SYCP1: variants seen among roughly 807,000 people sequenced by gnomAD.
SYCP1 encodes the protein synaptonemal complex protein 1.
Under a neutral mutation model 153.1 loss-of-function variants are expected in SYCP1, and 64 were observed. The observed-to-expected ratio is 0.42, with a 90% CI of 0.34 to 0.51. The LOEUF (loss-of-function observed/expected upper bound fraction) is 0.51. Among genes scored for constraint, SYCP1 ranks in the 20% least tolerant of loss-of-function variants. The pLI is 0.06. For synonymous variants in SYCP1, 384 were observed against 341.8 expected (o/e 1.12, Z -1.36); for missense variants, 997 against 1,049.0 (o/e 0.95, Z 0.68).
chr1:114,990,771 C>T (rs1673863228), intron 30 of SYCP1, among the ~76,000 whole-genome samples: 1 of 152,036 alleles, frequency 6.6e-6, no homozygotes, highest in South Asian at 2.1e-4. Flanking sequence ...TAGAAAACCT[C>T]TATAGACCTG....
chr1:114,886,893 TA>T (rs985139227), intron 14 of SYCP1, among the ~76,000 whole-genome samples: 1 of 152,054 alleles, frequency 6.6e-6, no homozygotes, highest in African/African-American at 2.4e-5. Flanking sequence ...GCTTGAGTGT[TA>T]AAGACTCTAT....
chr1:114,857,789 G>A (rs972154905), intron 5 of SYCP1, among the ~76,000 whole-genome samples: 3 of 151,920 alleles, frequency 2.0e-5, no homozygotes, highest in East Asian at 1.9e-4. Flanking sequence ...ATTAATAGAC[G>A]AAATTGACTG....
At chr1:114,936,643 T>C (rs1013362302) in intron 23 of SYCP1, among the ~76,000 whole-genome samples, 1 of 152,190 alleles carries the variant, frequency 6.6e-6, no homozygotes, top group African/African-American at 2.4e-5. Context: ...TGATTGTATA[T>C]TTAGAAAACC....
intron 27 of SYCP1, among the ~76,000 whole-genome samples, chr1:114,948,380 G>A (rs868218657): frequency 6.6e-6 from 1 of 152,134 alleles, no homozygotes; most frequent in Non-Finnish European, 1.5e-5. Flanking sequence ...CGTAGTAAGA[G>A]AGCAGAATGA....
chr1:114,914,342 T>C (rs2101685723), intron 20 of SYCP1, among the ~76,000 whole-genome samples: 1 of 151,942 alleles, frequency 6.6e-6, no homozygotes, highest in East Asian at 1.9e-4. Context: ...AATATAGAAA[T>C]CTTAAAAATT....
chr1:114,936,999 C>G (rs1290950411), intron 23 of SYCP1, among the ~76,000 whole-genome samples: 1 of 152,102 alleles, frequency 6.6e-6, no homozygotes, highest in East Asian at 1.9e-4. Flanking sequence ...AATGCCATCC[C>G]CATCAAGCTA....
At chr1:114,909,797 C>T (rs1557791318) in intron 16 of SYCP1, among the ~76,000 whole-genome samples, 1 of 152,092 alleles carries the variant, frequency 6.6e-6, no homozygotes, top group Non-Finnish European at 1.5e-5. Flanking sequence ...AATCTGTCTC[C>T]ACAGTCCTTG....
intron 6 of SYCP1, 23 bp from the exon 7 acceptor site, chr1:114,859,720 A>G: frequency 5.9e-6 from 6 of 1,011,284 alleles, no homozygotes; most frequent in Non-Finnish European, 7.8e-6. Flanking sequence ...AAATGGGATG[A>G]ACTTTTCTGT....
chr1:114,948,107 A>C (rs1217945676), intron 27 of SYCP1, among the ~76,000 whole-genome samples: 1 of 151,966 alleles, frequency 6.6e-6, no homozygotes, highest in Non-Finnish European at 1.5e-5. Flanking sequence ...TCTCGTATTA[A>C]AATGCTTATA....
At chr1:114,966,865 T>G (rs1672162032) in intron 27 of SYCP1, among the ~76,000 whole-genome samples, 1 of 151,848 alleles carries the variant, frequency 6.6e-6, no homozygotes. Flanking sequence ...TTGTACTTTT[T>G]GTAGAGACAG....
At chr1:114,902,036 C>T (rs1429603776) in intron 16 of SYCP1, among the ~76,000 whole-genome samples, 2 of 149,954 alleles carry the variant, frequency 1.3e-5, no homozygotes, top group East Asian at 4.1e-4. Flanking sequence ...GGAGACTCCA[C>T]GGGCGCTTGG....
chr1:114,872,638 TCTC>T (rs61410312), intron 8 of SYCP1, among the ~76,000 whole-genome samples: 9,321 of 152,252 alleles, frequency 0.061, 322 homozygotes, highest in Middle Eastern at 0.14. Flanking sequence ...TTCTCTTTCT[TCTC>T]CTTCTGGTAT....
intron 20 of SYCP1, among the ~76,000 whole-genome samples, chr1:114,915,594 C>T: frequency 6.6e-6 from 1 of 152,206 alleles, no homozygotes; most frequent in East Asian, 1.9e-4. Flanking sequence ...AAGCCACTTT[C>T]TGGTCACACA....
At chr1:114,860,845 T>C (rs746963667) in intron 8 of SYCP1, 36 bp downstream of exon 8, 4 of 1,457,944 alleles carry the variant, frequency 2.7e-6, no homozygotes, top group Non-Finnish European at 2.8e-6. Flanking sequence ...ATTTTATCAA[T>C]TTATTTTACT....
At chr1:114,923,121 A>G (rs960338502) in intron 20 of SYCP1, among the ~76,000 whole-genome samples, 4 of 152,320 alleles carry the variant, frequency 2.6e-5, no homozygotes, top group Non-Finnish European at 5.9e-5. Flanking sequence ...CTTTTTTAAA[A>G]CTATAAAAAC....
intron 15 of SYCP1, among the ~76,000 whole-genome samples, chr1:114,891,607 A>G (rs1163897354): frequency 6.6e-6 from 1 of 152,208 alleles, no homozygotes; most frequent in African/African-American, 2.4e-5. Context: ...TTGCTGCTTC[A>G]TGCGTTGCCC....
At chr1:114,989,200 A>C (rs570863609) in intron 30 of SYCP1, among the ~76,000 whole-genome samples, 1 of 151,944 alleles carries the variant, frequency 6.6e-6, no homozygotes, top group South Asian at 2.1e-4. Context: ...AAAAAACCCC[A>C]AAAACAAAAC....
intron 30 of SYCP1, among the ~76,000 whole-genome samples, chr1:114,989,246 T>C (rs1228601509): frequency 6.6e-6 from 1 of 151,886 alleles, no homozygotes; most frequent in Non-Finnish European, 1.5e-5. Flanking sequence ...AGAGTTTTTA[T>C]AGGCTATTGA....
chr1:114,950,670 C>T (rs1430490909), intron 27 of SYCP1, among the ~76,000 whole-genome samples: 4 of 151,930 alleles, frequency 2.6e-5, no homozygotes, highest in Non-Finnish European at 4.4e-5. Flanking sequence ...ATTTCTTTAG[C>T]ATTTTCTTTA....
Sources: allele counts gnomAD v4.1 joint callset (sites outside exome capture counted in the v4.1 genomes callset), GRCh38; gene constraint gnomAD v4.1.1; transcripts MANE v1.5; gene names NCBI Gene and HGNC (gene_info 2026-07-23, HGNC 2026-07-21).